Variants in NOC2L observed in about 807,000 individuals in gnomAD.
NOC2L encodes nucleolar complex protein 2 homolog.
NOC2L carries 101 observed loss-of-function variants against 94.2 expected under a neutral mutation model. That is an observed-to-expected ratio of 1.07 (90% CI 0.91 to 1.26). NOC2L has a LOEUF of 1.26. Among genes scored for constraint, NOC2L ranks in the 50% most tolerant of loss-of-function variants. The pLI is 0.00. For synonymous variants in NOC2L, 531 were observed against 413.4 expected, an observed-to-expected ratio of 1.28 and a Z score of -3.45; for missense variants, 1,076 against 980.1, an observed-to-expected ratio of 1.10 and a Z score of -1.31.
At chr1:949,516 G>T (rs1642197606) in intron 12 of NOC2L, among the ~76,000 whole-genome samples, 1 of 152,226 alleles carries the variant, frequency 6.6e-6, no homozygotes, top group South Asian at 2.1e-4. Flanking sequence ...CTTTGTTTTA[G>T]CTTTTAGGGT....
At chr1:951,315 C>T in intron 11 of NOC2L, 77 bp from the exon 12 acceptor site, 1 of 1,113,794 alleles carries the variant, frequency 9.0e-7, no homozygotes, top group East Asian at 2.6e-5. Flanking sequence ...TCTTGGACCT[C>T]CTCCCCCACT....
At chr1:954,540 A>G (rs2100393028) in intron 6 of NOC2L, 1 of 159,858 alleles carries the variant, frequency 6.3e-6, no homozygotes, top group Non-Finnish European at 1.4e-5. Flanking sequence ...AAAGAAAAGA[A>G]AATCAGAGGG....
At chr1:957,465 A>G (rs1642442638) in intron 2 of NOC2L, 192 bp from the exon 3 acceptor site, 2 of 595,736 alleles carry the variant, frequency 3.4e-6, no homozygotes, top group Middle Eastern at 4.5e-4. Context: ...CACACTACAC[A>G]GGCCCCCCAG....
chr1:958,877 C>A (rs780755012), intron 2 of NOC2L, 52 bp downstream of exon 2: 4 of 1,607,170 alleles, frequency 2.5e-6, no homozygotes, highest in South Asian at 2.2e-5. Flanking sequence ...GCAACCCAAC[C>A]GGGGTGGGAC....
rs377112698 is a variant in NOC2L at position 953,895 on chromosome 1, G to A, written c.778-3C>T. 75 of 1,612,402 alleles carry A rather than the reference G, an allele frequency of 4.7e-5. No individual in the cohort carries two copies. The highest frequency in any genetic ancestry group is 5.5e-5 in the Non-Finnish European group (65 of 1,179,422). On this transcript the variant is annotated splice_polypyrimidine_tract_variant and splice_region_variant and intron_variant, in intron 7 of 18. Transcript: ENST00000327044. ...GTCTCCGACAGACAGGACACCAGCT[G>A]GGGGCAGGAGGGGACAGTGAAGCCC...
At chr1:952,863 C>T (rs1486420564) in intron 9 of NOC2L, among the ~76,000 whole-genome samples, 1 of 152,180 alleles carries the variant, frequency 6.6e-6, no homozygotes, top group African/African-American at 2.4e-5. Flanking sequence ...TGGGGACGGG[C>T]AGTAGGACTG....
Position 953,225 on chromosome 1 carries a change from T to C in NOC2L, c.952A>G (p.Ser318Gly), listed in dbSNP as rs530399169. Reference sequence around the variant, plus strand: ...TCCTTCTTGTGCCGGCAGACTCTGCTGAGGACCAGGAAAGCCAGCACCCGC... The same window carrying C: ...TCCTTCTTGTGCCGGCAGACTCTGCCGAGGACCAGGAAAGCCAGCACCCGC... ...SLRVLAFLVLSRVCRHKKDTF... is the reference protein window; with the variant it reads ...SLRVLAFLVLGRVCRHKKDTF... Residue 318 changes from serine to glycine, a missense_variant, in exon 9 of 19, where the codon AGC (serine) becomes GGC (glycine). Physicochemically the swap from Ser to Gly is moderately conservative, Grantham distance 56. Transcript: ENST00000327044. 5.6e-6 allele frequency: 9 copies of C among 1,613,604 alleles called. No homozygotes were observed. The highest frequency in any genetic ancestry group is 7.6e-6 in the Non-Finnish European group (9 of 1,179,850).
rs770496250 is a variant in NOC2L, at chr1:952,438, G to A, written c.1165C>T (p.Arg389Cys). The A allele has an allele frequency of 7.4e-6, 12 of 1,613,710 alleles. No homozygotes were observed. The highest frequency in any genetic ancestry group is 4.5e-5 in the East Asian group (2 of 44,880). The change falls in exon 10 of 19, where the codon CGC becomes TGC. Residue 389 changes from arginine to cysteine, a missense_variant. By Grantham distance (180) the Arg-to-Cys change is radical (BLOSUM62 -3). Coordinates refer to ENST00000327044, the MANE Select transcript of NOC2L (RefSeq NM_015658.4). ...LYIRQLAIHL[R>C]NAMTTRKKET... ...TTCTTGCGAGTGGTCATGGCGTTGC[G>A]CAGGTGTATGGCGAGCTGGCGGATG...
chr1:944,745 G>T lies in NOC2L; in HGVS notation c.2199C>A (p.Ala733=). Reference sequence around the variant, plus strand: ...CCTCCAGCTCGTCCTCCGGCCCCTGGGCCAGCTGCTGCAGCTCCCCAGGGG... The same window carrying T: ...CCTCCAGCTCGTCCTCCGGCCCCTGTGCCAGCTGCTGCAGCTCCCCAGGGG... ...GLAPGELQQL[A]QGPEDELEDL... The change falls in exon 19 of 19, where the codon GCC becomes GCA. Residue 733 remains alanine, a synonymous_variant. Transcript: ENST00000327044. The T allele has an allele frequency of 6.2e-7, 1 of 1,600,706 alleles. No homozygotes were observed. The highest frequency in any genetic ancestry group is 8.5e-7 in the Non-Finnish European group (1 of 1,178,354).
chr1:952,709 G>C lies in NOC2L; in HGVS notation c.1003-109C>G, dbSNP rs1234513048. Reference sequence around the variant, plus strand: ...GGCCTTTCCCTCAGAGCTGGGCCTCGAGGAAGAGCCGTAGCCCCTTGCACA... The same window carrying C: ...GGCCTTTCCCTCAGAGCTGGGCCTCCAGGAAGAGCCGTAGCCCCTTGCACA... On this transcript the variant is annotated intron_variant, in intron 9 of 18. Transcript: ENST00000327044. 1.1e-5 allele frequency: 12 copies of C among 1,113,398 alleles called. No individual in the cohort carries two copies. The South Asian group carries it at 1.5e-4, about 14-fold the overall frequency. The allele number at this position is 1,113,398 out of a possible 1,614,324, so 69.0% of individuals were successfully genotyped here. A position where few individuals can be genotyped will look rare whatever the true frequency, so the allele number is the denominator to read the frequency against.
In NOC2L at chr1:954,086, CAG is replaced by C. The variant is rs771309340; in HGVS notation, c.699-6_699-5del. ...GCTGCTGGACGGCTGCAGCATCCTG[CAG>C]AGAGACCACCCACCCCTGGCTGGGA... is the stretch of plus-strand genomic sequence containing the variant. On this transcript the variant is annotated splice_region_variant and splice_polypyrimidine_tract_variant and intron_variant, in intron 6 of 18. Coordinates refer to ENST00000327044, the MANE Select transcript of NOC2L (RefSeq NM_015658.4). 1.2e-5 allele frequency: 20 copies of C among 1,611,386 alleles called. No homozygotes were observed. The highest frequency in any genetic ancestry group is 2.7e-5 in the African/African-American group (2 of 74,876).
rs1402376006 is a variant in NOC2L, at chr1:944,935, G to A, written c.2143+122C>T. ...CTGGCTGCCAGAGAACAGAGCATTT[G>A]GCCTGGCCTTCCCAGGGAGGGAAAA... On this transcript the variant is annotated intron_variant, in intron 18 of 18. Transcript: ENST00000327044. 97 of 1,505,948 alleles carry A rather than the reference G, an allele frequency of 6.4e-5. 1 individual carries two copies. In the South Asian group the frequency reaches 9.0e-4, roughly 14 times the overall value. The allele number at this position is 1,505,948 out of a possible 1,614,324, so 93.3% of individuals were successfully genotyped here.
chr1:958,859 C>A, intron 2 of NOC2L, 70 bp downstream of exon 2: 2 of 1,550,344 alleles, frequency 1.3e-6, no homozygotes, highest in South Asian at 1.1e-5. Context: ...AGACCCCAGG[C>A]GAGGTCAGCA....
intron 14 of NOC2L, among the ~76,000 whole-genome samples, chr1:947,486 G>C (rs1355303009): frequency 6.6e-6 from 1 of 152,228 alleles, no homozygotes; most frequent in Non-Finnish European, 1.5e-5. Context: ...CGGCACATCT[G>C]ATTCCAGCCA....
At chr1:954,932 A>AC (rs1216286850) in intron 6 of NOC2L, among the ~76,000 whole-genome samples, 1 of 152,150 alleles carries the variant, frequency 6.6e-6, no homozygotes, top group African/African-American at 2.4e-5. Flanking sequence ...CATGGGAAGG[A>AC]CAAAGGGCAG....
chr1:957,137 C>T lies in NOC2L; in HGVS notation c.316G>A (p.Glu106Lys), dbSNP rs1206772374. The change falls in exon 3 of 19, where the codon GAA (glutamate) becomes AAA (lysine). Residue 106 changes from glutamate to lysine, a missense_variant. Physicochemically the swap from Glu to Lys is moderately conservative, Grantham distance 56 (BLOSUM62 1). This residue lies in a region of NOC2L where 457 missense variants were observed against 386.0 expected (regional missense o/e 1.18). Transcript: ENST00000327044. ...GGCAGGGAGTGGAACGGCCCCTCTTCCTCCTCAGAGCTGTCCGAGTCGCTG... is the reference window on the plus strand; with the variant it reads ...GGCAGGGAGTGGAACGGCCCCTCTTTCTCCTCAGAGCTGTCCGAGTCGCTG... ...NFSDSDSSEE[E>K]EGPFHSLPDV... 6.2e-7 allele frequency: 1 copy of T among 1,613,992 alleles called. No individual in the cohort carries two copies. The highest frequency in any genetic ancestry group is 8.5e-7 in the Non-Finnish European group (1 of 1,180,054).
At chr1:948,444 C>A in intron 13 of NOC2L, 46 bp downstream of exon 13, 1 of 1,449,246 alleles carries the variant, frequency 6.9e-7, no homozygotes. Context: ...ACCCCCAACC[C>A]CACCCTGGGA....
chr1:948,172 A>T lies in NOC2L; in HGVS notation c.1618T>A (p.Cys540Ser), dbSNP rs758803235. 1.9e-6 allele frequency: 3 copies of T among 1,592,664 alleles called. No individual in the cohort carries two copies. Among genetic ancestry groups the T allele is most frequent in the Non-Finnish European group, 2.6e-6 (3 of 1,170,304 alleles). The stretch of plus-strand genomic sequence containing the variant: ...AGCACCAGCTCCGGGAAGCCGATGC[A>T]GTGTGCCTGGCTGTGCAGGTACTCC... ...TLEYLHSQAH[C>S]IGFPELVLPV... Residue 540 changes from cysteine to serine, a missense_variant, in exon 14 of 19, where the codon TGC becomes AGC. This residue lies in a region of NOC2L where 615 missense variants were observed against 577.4 expected (regional missense o/e 1.07). Coordinates refer to ENST00000327044, the MANE Select transcript of NOC2L (RefSeq NM_015658.4).
intron 11 of NOC2L, among the ~76,000 whole-genome samples, chr1:951,780 T>C (rs1403128181): frequency 1.3e-5 from 2 of 152,204 alleles, no homozygotes; most frequent in Non-Finnish European, 2.9e-5. Flanking sequence ...GCTAAACCGC[T>C]GTTGGAGGAG....
Sources: allele counts gnomAD v4.1 joint callset (sites outside exome capture counted in the v4.1 genomes callset), GRCh38; gene constraint gnomAD v4.1.1; regional missense constraint gnomAD v4.1.1; transcripts MANE v1.5; gene names NCBI Gene and HGNC (gene_info 2026-07-23, HGNC 2026-07-21).